The following GP6 variants were observed in gnomAD, a reference collection of about 807,000 sequenced individuals.
GP6 encodes the protein platelet glycoprotein VI.
GP6 carries 45 observed loss-of-function variants against 37.3 expected under a neutral mutation model. The ratio of observed to expected loss-of-function variants is 1.21; its 90% CI spans 0.95 to 1.55. The LOEUF is 1.55. Among genes scored for constraint, GP6 ranks in the 40% most tolerant of loss-of-function variants. The pLI is 0.00. For missense variants in GP6, 813 were observed against 760.2 expected, an observed-to-expected ratio of 1.07 and a Z score of -0.82; for synonymous variants, 340 against 316.4, an observed-to-expected ratio of 1.07 and a Z score of -0.79.
chr19:55,038,047 G>A (rs546643508), intron 1 of GP6, among the ~76,000 whole-genome samples, 156 bp downstream of exon 1: 73 of 152,252 alleles, frequency 4.8e-4, no homozygotes, highest in Non-Finnish European at 9.6e-4. Flanking sequence ...ATGCCAGCTC[G>A]CTGGCCCCCC....
At chr19:55,032,025 C>T in intron 3 of GP6, 114 bp downstream of exon 3, 3 of 1,025,292 alleles carry the variant, frequency 2.9e-6, no homozygotes, top group East Asian at 5.2e-5. Context: ...GCACCACCAC[C>T]CGCTAGGCCA....
intron 1 of GP6, among the ~76,000 whole-genome samples, chr19:55,034,122 AT>A (rs2074723504): frequency 6.7e-6 from 1 of 149,386 alleles, no homozygotes. Context: ...ACACACGTGT[AT>A]ATGTATGTAT....
chr19:55,032,668 C>A, intron 1 of GP6, 130 bp from the exon 2 acceptor site: 1 of 1,001,748 alleles, frequency 1.0e-6, no homozygotes, highest in Non-Finnish European at 1.6e-6. Flanking sequence ...AAAAGACACA[C>A]AGGAATGTAA....
intron 7 of GP6, among the ~76,000 whole-genome samples, 194 bp from the exon 8 acceptor site, chr19:55,015,359 C>T (rs923921471): frequency 6.6e-6 from 1 of 152,228 alleles, no homozygotes; most frequent in Non-Finnish European, 1.5e-5. Context: ...TAGCACCTCT[C>T]CCTCCTGTGC....
At chr19:55,027,897 G>C (rs767546570) in intron 3 of GP6, 35 bp from the exon 4 acceptor site, 2 of 1,610,670 alleles carry the variant, frequency 1.2e-6, no homozygotes, top group Non-Finnish European at 8.5e-7. Context: ...TTGAAGGCAG[G>C]AGCCAGCATC....
rs750510692 is a variant in GP6 at position 55,018,715 on chromosome 19, A to C, written c.665-4T>G. ...TCAGCGGTGGCTTCTGAGAATTCTA[A>C]GAAAGCAAAACAATGTTAGGTCTTC... is the stretch of plus-strand genomic sequence containing the variant. On this transcript the variant is annotated splice_polypyrimidine_tract_variant and splice_region_variant and intron_variant, in intron 5 of 7. Transcript: ENST00000310373. 6.2e-7 allele frequency: 1 copy of C among 1,602,098 alleles called. No individual in the cohort carries two copies. Among genetic ancestry groups the C allele is most frequent in the South Asian group, 1.1e-5 (1 of 90,844 alleles).
chr19:55,025,153 G>GGA, intron 5 of GP6, 65 bp downstream of exon 5: 2 of 828,352 alleles, frequency 2.4e-6, no homozygotes, highest in Non-Finnish European at 2.1e-6. Flanking sequence ...TAGGCAGAGA[G>GGA]GAGAGAGAGA....
At chr19:55,034,700 T>C (rs1409202315) in intron 1 of GP6, among the ~76,000 whole-genome samples, 1 of 140,286 alleles carries the variant, frequency 7.1e-6, no homozygotes, top group African/African-American at 2.7e-5. Flanking sequence ...GTGTTTTATC[T>C]GGTAACCCTC....
In GP6 at chr19:55,032,267, C is replaced by G. The variant is rs1170487266; in HGVS notation, c.197G>C (p.Arg66Thr). 1 of 1,614,214 alleles carries G rather than the reference C, an allele frequency of 6.2e-7. No individual in the cohort carries two copies. Among genetic ancestry groups the G allele is most frequent in the Non-Finnish European group, 8.5e-7 (1 of 1,180,048 alleles). ...GAAGAGGACTGCCTGATCCTGGTAC[C>G]TGCTGGAACTCAGCTTCTCCAGGCG... The change falls in exon 3 of 8, where the codon AGG becomes ACG. Residue 66 changes from arginine to threonine, a missense_variant. Physicochemically the swap from Arg to Thr is moderately conservative, Grantham distance 71 (BLOSUM62 -1). Coordinates refer to ENST00000310373, the MANE Select transcript of GP6 (RefSeq NM_001083899.2).
rs746798268 is a variant in GP6, at chr19:55,027,726, G to C, written c.462C>G (p.Tyr154Ter). The change falls in exon 4 of 8, where the codon TAC becomes TAG. Residue 154 changes from tyrosine to a stop codon, truncating the protein, a stop_gained. Transcript: ENST00000310373. LOFTEE classifies it high-confidence loss of function. ...CCCTGTACCATCTCTCGGGATTCTT[G>C]TAGGGCGCAGGGTCCCCTTCCTTGT... 2.5e-6 allele frequency: 4 copies of C among 1,613,884 alleles called. No homozygotes were observed. The highest frequency in any genetic ancestry group is 1.7e-5 in the Admixed American group (1 of 60,028).
rs1269624888 is a variant in GP6, at chr19:55,013,794, G to A, written c.*288C>T. On this transcript the variant is annotated 3_prime_UTR_variant, in exon 8 of 8. Transcript: ENST00000310373. The stretch of plus-strand genomic sequence containing the variant: ...TGGTCTTGAACTCCTGGGCTCAAGC[G>A]ATCCTCCTGCCTTGGCCTCCCACAG... The A allele has an allele frequency of 1.8e-5, 5 of 283,044 alleles. No homozygotes were observed. Among genetic ancestry groups the A allele is most frequent in the African/African-American group, 4.4e-5 (2 of 45,574 alleles). The allele number at this position is 283,044 out of a possible 1,614,324, so 17.5% of individuals were successfully genotyped here. A position where few individuals can be genotyped will look rare whatever the true frequency, so the allele number is the denominator to read the frequency against.
intron 1 of GP6, chr19:55,032,745 GA>G (rs1379234769): frequency 1.5e-6 from 1 of 664,532 alleles, no homozygotes; most frequent in Admixed American, 2.3e-5. Flanking sequence ...GAAATATCCA[GA>G]ATAGGTAAAT....
chr19:55,029,271 T>C (rs2146836175), intron 3 of GP6, among the ~76,000 whole-genome samples: 1 of 143,866 alleles, frequency 7.0e-6, no homozygotes, highest in East Asian at 2.0e-4. Flanking sequence ...TTGTTTTGTT[T>C]TGAGACGGAG....
chr19:55,027,923 G>C, intron 3 of GP6, 61 bp from the exon 4 acceptor site: 3 of 1,552,100 alleles, frequency 1.9e-6, no homozygotes, highest in Non-Finnish European at 2.7e-6. Flanking sequence ...TGAGACTGGG[G>C]AGGTCCCCAC....
rs1465201075 is a variant in GP6 at position 55,014,640 on chromosome 19, G to C, written c.1305C>G (p.Gly435=). The change falls in exon 8 of 8, where the codon GGC becomes GGG. Residue 435 remains glycine, a synonymous_variant. Transcript: ENST00000310373. ...AAGAAAGAGGCCAGTATGTGGTCCA[G>C]CCAGGGTACCATGTCATCCACAGTG... 3 of 1,613,962 alleles carry C rather than the reference G, an allele frequency of 1.9e-6. No individual in the cohort carries two copies. Among genetic ancestry groups the C allele is most frequent in the East Asian group, 2.2e-5 (1 of 44,894 alleles).
At position 55,015,662 on chromosome 19, in the gene GP6, T is replaced by C. The variant is rs2073846072; in HGVS notation, c.779+17A>G. ...GAGACGGGTGAGAAGGAAGGGGGTC[T>C]GGAGAGGATGACTTACTCACCAGCT... On this transcript the variant is annotated intron_variant, in intron 7 of 7. Transcript: ENST00000310373. 4 of 1,461,870 alleles carry C rather than the reference T, an allele frequency of 2.7e-6. No homozygotes were observed. In the East Asian group the frequency reaches 9.1e-5, roughly 33 times the overall value. The allele number at this position is 1,461,870 out of a possible 1,614,324, so 90.6% of individuals were successfully genotyped here.
intron 5 of GP6, among the ~76,000 whole-genome samples, chr19:55,019,169 G>A (rs1352354025): frequency 2.7e-5 from 4 of 145,924 alleles, no homozygotes; most frequent in East Asian, 4.3e-4. Flanking sequence ...GCAGTGGCGC[G>A]ATCTCAGCTC....
chr19:55,018,915 T>C lies in GP6; in HGVS notation c.665-204A>G, dbSNP rs979620955. 17 of 622,078 alleles carry C rather than the reference T, an allele frequency of 2.7e-5. 1 individual carries two copies. The highest frequency in any genetic ancestry group is 1.4e-4 in the East Asian group (5 of 36,176). 38.5% of individuals were successfully genotyped at this position (622,078 alleles called of 1,614,324 possible). On this transcript the variant is annotated intron_variant, in intron 5 of 7. Transcript: ENST00000310373. The stretch of plus-strand genomic sequence containing the variant: ...AGAAGCAGATCCGTTCAGCAATTGA[T>C]AGACACTTGGTTTTTTTTCCACGTT...
At position 55,014,764 on chromosome 19, in the gene GP6, G is replaced by A; in HGVS notation, c.1181C>T (p.Pro394Leu). 6.8e-6 allele frequency: 11 copies of A among 1,613,814 alleles called. No individual in the cohort carries two copies. The highest frequency in any genetic ancestry group is 3.3e-5 in the South Asian group (3 of 91,030). The change falls in exon 8 of 8, where the codon CCG becomes CTG. Residue 394 changes from proline (P) to leucine (L), a missense_variant. Pro to Leu is a moderately conservative substitution (Grantham distance 98, BLOSUM62 -3). Coordinates refer to ENST00000310373, the MANE Select transcript of GP6 (RefSeq NM_001083899.2). Reference sequence around the variant, plus strand: ...ACAGACAGACAGACACTGGCCGAACGGCTCCCTGATGGAACACCAGGAGGA... The same window carrying A: ...ACAGACAGACAGACACTGGCCGAACAGCTCCCTGATGGAACACCAGGAGGA...
Sources: allele counts gnomAD v4.1 joint callset (sites outside exome capture counted in the v4.1 genomes callset), GRCh38; gene constraint gnomAD v4.1.1; transcripts MANE v1.5; gene names NCBI Gene and HGNC (gene_info 2026-07-23, HGNC 2026-07-21).